The following PAX7 variants were observed in gnomAD, a reference collection of about 807,000 sequenced individuals.
PAX7 encodes paired box protein Pax-7.
Under a neutral mutation model 50.7 loss-of-function variants are expected in PAX7, and 18 were observed. The observed-to-expected ratio is 0.36, with a 90% CI of 0.25 to 0.53. The LOEUF is 0.53. PAX7 is among the 20% of genes least tolerant of loss of function. The pLI, the probability that PAX7 is intolerant of heterozygous loss-of-function variation, is 0.93. For synonymous variants in PAX7, 310 were observed against 290.4 expected (o/e 1.07, Z -0.69); for missense variants, 644 against 702.9 (o/e 0.92, Z 0.95).
chr1:18,716,875 G>A (rs991615769), intron 7 of PAX7, among the ~76,000 whole-genome samples: 1 of 148,522 alleles, frequency 6.7e-6, no homozygotes, highest in Non-Finnish European at 1.5e-5. Context: ...CCCCACCCCC[G>A]TGTCCCCTTT....
intron 4 of PAX7, among the ~76,000 whole-genome samples, chr1:18,672,691 C>T (rs986832577): frequency 1.4e-4 from 21 of 151,460 alleles, no homozygotes; most frequent in Admixed American, 1.3e-3. Flanking sequence ...CTGCAACCTC[C>T]GCCTCCCATG....
At chr1:18,728,238 T>C (rs2089598535) in intron 7 of PAX7, among the ~76,000 whole-genome samples, 1 of 152,072 alleles carries the variant, frequency 6.6e-6, no homozygotes, top group Non-Finnish European at 1.5e-5. Flanking sequence ...TGTACCTCTT[T>C]GTGTGCACAT....
At chr1:18,744,429 AGGATGGATGGATGGAT>A (rs375857866) in intron 8 of PAX7, among the ~76,000 whole-genome samples, 10 of 60,468 alleles carry the variant, frequency 1.7e-4, no homozygotes, top group African/African-American at 4.4e-4. Context: ...GATAGATGGA[AGGATGGATGGATGGAT>A]GGATGGATGG....
At chr1:18,683,995 G>C (rs1365709992) in intron 4 of PAX7, among the ~76,000 whole-genome samples, 1 of 152,200 alleles carries the variant, frequency 6.6e-6, no homozygotes, top group Non-Finnish European at 1.5e-5. Flanking sequence ...TTTCACATGT[G>C]GGGGCCACAG....
intron 7 of PAX7, among the ~76,000 whole-genome samples, chr1:18,718,682 C>T (rs117636867): frequency 0.049 from 7,440 of 150,966 alleles, 287 homozygotes; most frequent in Admixed American, 0.11. Flanking sequence ...CTCGCTGTGT[C>T]GCCAGGCTGG....
chr1:18,657,785 T>A (rs761287204), intron 4 of PAX7, among the ~76,000 whole-genome samples: 10 of 152,044 alleles, frequency 6.6e-5, no homozygotes, highest in Non-Finnish European at 1.3e-4. Context: ...CCCTTCCCCT[T>A]CTTATTGAGA....
chr1:18,711,271 T>G (rs1470814180), intron 7 of PAX7, among the ~76,000 whole-genome samples: 3 of 152,170 alleles, frequency 2.0e-5, no homozygotes, highest in Non-Finnish European at 4.4e-5. Flanking sequence ...ACAGGGGTAA[T>G]CATTGCTACC....
intron 4 of PAX7, among the ~76,000 whole-genome samples, chr1:18,687,204 C>G (rs2088989850): frequency 6.6e-6 from 1 of 152,036 alleles, no homozygotes; most frequent in South Asian, 2.1e-4. Flanking sequence ...TCATCTTTAT[C>G]TCATTCCATT....
intron 4 of PAX7, among the ~76,000 whole-genome samples, chr1:18,680,740 A>C (rs1475409982): frequency 6.6e-6 from 1 of 152,234 alleles, no homozygotes; most frequent in Non-Finnish European, 1.5e-5. Context: ...TCTGCCCAGC[A>C]CAATCGTTGC....
At chr1:18,631,910 T>A (rs564736616) in intron 1 of PAX7, among the ~76,000 whole-genome samples, 4 of 152,276 alleles carry the variant, frequency 2.6e-5, no homozygotes, top group African/African-American at 9.6e-5. Context: ...GTTTCGCAGG[T>A]CGCTAGCTGC....
At chr1:18,702,161 A>G (rs535875045) in intron 6 of PAX7, among the ~76,000 whole-genome samples, 65 of 140,016 alleles carry the variant, frequency 4.6e-4, no homozygotes, top group Admixed American at 1.1e-3. Context: ...GTGAAACTCC[A>G]TCTCTACTAA....
At chr1:18,682,470 A>C (rs1320344964) in intron 4 of PAX7, among the ~76,000 whole-genome samples, 2 of 152,132 alleles carry the variant, frequency 1.3e-5, no homozygotes, top group African/African-American at 4.8e-5. Context: ...CTCCTTCGAG[A>C]AGAAGCAAGA....
chr1:18,675,543 G>A (rs953296672), intron 4 of PAX7, among the ~76,000 whole-genome samples: 1 of 151,988 alleles, frequency 6.6e-6, no homozygotes, highest in African/African-American at 2.4e-5. Context: ...CTGGAGGTGG[G>A]GTAATTAATA....
In PAX7 at chr1:18,747,826, G is replaced by A; in HGVS notation, c.*2897G>A. The A allele has an allele frequency of 5.3e-6, 1 of 189,996 alleles. No homozygotes were observed. The highest frequency in any genetic ancestry group is 1.1e-5 in the Non-Finnish European group (1 of 90,434). 11.8% of individuals were successfully genotyped at this position (189,996 alleles called of 1,614,324 possible). A position where few individuals can be genotyped will look rare whatever the true frequency, so the allele number is the denominator to read the frequency against. The stretch of plus-strand genomic sequence containing the variant: ...ATAAATATATATATATACTAAAAAA[G>A]GAAAGAAATCCCCCACAGTGTGTGT... On this transcript the variant is annotated 3_prime_UTR_variant, in exon 9 of 9. Coordinates refer to ENST00000420770, the MANE Select transcript of PAX7 (RefSeq NM_001135254.2).
intron 4 of PAX7, among the ~76,000 whole-genome samples, chr1:18,689,134 G>A (rs574590): frequency 0.69 from 104,944 of 151,972 alleles, 36,513 homozygotes; most frequent in Middle Eastern, 0.76. Context: ...GTCCTCACTG[G>A]AGAACTGAAT....
At position 18,671,642 on chromosome 1, in the gene PAX7, A is replaced by T. The variant is rs192011150; in HGVS notation, c.587-20112A>T. ...AAATCCTGAATCTTGGCCCTGCCTTATATCTTTGGGTTGGTGGCATAACCA... is the reference window on the plus strand; with the variant it reads ...AAATCCTGAATCTTGGCCCTGCCTTTTATCTTTGGGTTGGTGGCATAACCA... On this transcript the variant is annotated intron_variant, in intron 4 of 8. Transcript: ENST00000420770. Among the ~76,000 whole-genome samples the T allele has an allele frequency of 6.6e-5, 10 of 152,158 alleles. No homozygotes were observed. In the East Asian group the frequency reaches 1.9e-3, roughly 29 times the overall value.
intron 4 of PAX7, among the ~76,000 whole-genome samples, chr1:18,673,431 G>A (rs182650498): frequency 1.3e-5 from 2 of 152,024 alleles, no homozygotes; most frequent in Non-Finnish European, 1.5e-5. Flanking sequence ...GCATGACTTC[G>A]TGCCCTGTCA....
intron 4 of PAX7, among the ~76,000 whole-genome samples, chr1:18,659,287 A>C (rs1207082054): frequency 6.6e-6 from 1 of 152,244 alleles, no homozygotes; most frequent in Non-Finnish European, 1.5e-5. Context: ...CAGGTGCTCA[A>C]TAAATGCTCC....
intron 1 of PAX7, among the ~76,000 whole-genome samples, chr1:18,631,900 G>A (rs2088061854): frequency 1.3e-5 from 2 of 152,166 alleles, no homozygotes; most frequent in African/African-American, 4.8e-5. Context: ...GGCGGCCTTC[G>A]TTTCGCAGGT....
Sources: gnomAD v4.1 joint callset for allele counts (sites outside exome capture counted in the v4.1 genomes callset) on GRCh38, gnomAD v4.1.1 for gene constraint, MANE v1.5 for transcripts, NCBI Gene and HGNC (gene_info 2026-07-23, HGNC 2026-07-21) for gene names.